The following PPP1R12B variants were observed in gnomAD, a reference collection of about 807,000 sequenced individuals.
The protein encoded by PPP1R12B is myosin phosphatase target subunit 2.
PPP1R12B carries 76 observed loss-of-function variants against 126.1 expected under a neutral mutation model. That is an observed-to-expected ratio of 0.60 (90% CI 0.50 to 0.73). The LOEUF is 0.73. Ranked by LOEUF, PPP1R12B falls within the 30% of genes least tolerant of loss-of-function variation. The probability of loss-of-function intolerance (pLI) is 0.00; values close to 1 mark genes in which losing one functional copy is unlikely to be tolerated. For synonymous variants in PPP1R12B, 356 were observed against 434.7 expected (o/e 0.82, Z 2.25); for missense variants, 1,052 against 1,205.1 (o/e 0.87, Z 1.88).
intron 13 of PPP1R12B, among the ~76,000 whole-genome samples, chr1:202,468,132 TC>T (rs1675305858): frequency 6.6e-6 from 1 of 152,254 alleles, no homozygotes; most frequent in South Asian, 2.1e-4. Context: ...TAGCCCTTTG[TC>T]AGATGAGTAG....
At chr1:202,580,414 G>C in intron 23 of PPP1R12B, 60 bp from the exon 24 acceptor site, 1 of 1,402,766 alleles carries the variant, frequency 7.1e-7, no homozygotes, top group South Asian at 1.2e-5. Flanking sequence ...GGCCTGGTCA[G>C]GGAGGGCCAA....
At position 202,372,801 on chromosome 1, in the gene PPP1R12B, A is replaced by G. The variant is rs1660516753; in HGVS notation, c.291+23659A>G. On this transcript the variant is annotated intron_variant, in intron 1 of 23. Transcript: ENST00000608999. ...ATAAAAAAAAATAAAAAAGTAAAAAATAAAAGAAAAAAGAAAAGCAGTTTT... is the reference window on the plus strand; with the variant it reads ...ATAAAAAAAAATAAAAAAGTAAAAAGTAAAAGAAAAAAGAAAAGCAGTTTT... Among the ~76,000 whole-genome samples the G allele has an allele frequency of 2.0e-5, 3 of 152,278 alleles. No individual in the cohort carries two copies. The South Asian group carries it at 6.2e-4, about 32-fold the overall frequency.
At chr1:202,423,631 T>G (rs1459910862) in intron 3 of PPP1R12B, among the ~76,000 whole-genome samples, 3 of 152,182 alleles carry the variant, frequency 2.0e-5, no homozygotes, top group Non-Finnish European at 2.9e-5. Flanking sequence ...GGTCAGTAAC[T>G]ACTTGCTTTT....
chr1:202,463,722 T>C (rs1339975168), intron 13 of PPP1R12B, among the ~76,000 whole-genome samples: 2 of 152,222 alleles, frequency 1.3e-5, no homozygotes, highest in Non-Finnish European at 2.9e-5. Context: ...AGTTTCCTAG[T>C]TGATCTTGTT....
intron 1 of PPP1R12B, among the ~76,000 whole-genome samples, chr1:202,411,327 T>A (rs1262946200): frequency 6.6e-6 from 1 of 151,424 alleles, no homozygotes; most frequent in Non-Finnish European, 1.5e-5. Flanking sequence ...CATGAGAGTG[T>A]CCTACAACTC....
chr1:202,506,555 C>T (rs1013063847), intron 18 of PPP1R12B, among the ~76,000 whole-genome samples: 4 of 152,174 alleles, frequency 2.6e-5, no homozygotes, highest in Admixed American at 6.5e-5. Context: ...TTGGACTTCT[C>T]TCATGCATCT....
At position 202,583,561 on chromosome 1, in the gene PPP1R12B, C is replaced by T. The variant is rs1053981192; in HGVS notation, c.*3001C>T. ...TTTTATTAACTGATTTCTGGTCTATCTCCAGAGATAAAATACCATTCCTTC... is the reference window on the plus strand; with the variant it reads ...TTTTATTAACTGATTTCTGGTCTATTTCCAGAGATAAAATACCATTCCTTC... On this transcript the variant is annotated 3_prime_UTR_variant, in exon 24 of 24. Coordinates refer to ENST00000608999, the MANE Select transcript of PPP1R12B (RefSeq NM_002481.4). 2.0e-5 allele frequency: 3 copies of T among 152,206 alleles called. No individual in the cohort carries two copies. Among genetic ancestry groups the T allele is most frequent in the African/African-American group, 7.2e-5 (3 of 41,458 alleles). 9.4% of individuals were successfully genotyped at this position (152,206 alleles called of 1,614,324 possible). A position where few individuals can be genotyped will look rare whatever the true frequency, so the allele number is the denominator to read the frequency against.
chr1:202,464,785 G>T (rs1428987354), intron 13 of PPP1R12B, among the ~76,000 whole-genome samples: 1 of 152,140 alleles, frequency 6.6e-6, no homozygotes, highest in Non-Finnish European at 1.5e-5. Context: ...GCTCAATATT[G>T]TGTTAAAAAC....
intron 18 of PPP1R12B, among the ~76,000 whole-genome samples, chr1:202,533,191 T>C (rs532613296): frequency 3.3e-5 from 5 of 152,136 alleles, no homozygotes; most frequent in Non-Finnish European, 7.3e-5. Context: ...ATGAAGTCCA[T>C]GGGAGCAGAA....
At position 202,580,625 on chromosome 1, in the gene PPP1R12B, G is replaced by A; in HGVS notation, c.*65G>A. ...TTGCTGCCCCCACCCCTCTTTTCCA[G>A]TCCTTGCCTTCCAACCAAAAGAAAT... On this transcript the variant is annotated 3_prime_UTR_variant, in exon 24 of 24. Coordinates refer to ENST00000608999, the MANE Select transcript of PPP1R12B (RefSeq NM_002481.4). 1.5e-6 allele frequency: 2 copies of A among 1,349,596 alleles called. No homozygotes were observed. The highest frequency in any genetic ancestry group is 1.8e-4 in the Middle Eastern group (1 of 5,546). 83.6% of individuals were successfully genotyped at this position (1,349,596 alleles called of 1,614,324 possible).
At chr1:202,471,110 T>A (rs751861847) in intron 13 of PPP1R12B, among the ~76,000 whole-genome samples, 2 of 152,188 alleles carry the variant, frequency 1.3e-5, no homozygotes, top group Non-Finnish European at 2.9e-5. Flanking sequence ...ATTTGCTATT[T>A]ATCATTCTCA....
At chr1:202,544,275 A>G (rs1685430430) in intron 18 of PPP1R12B, among the ~76,000 whole-genome samples, 2 of 152,200 alleles carry the variant, frequency 1.3e-5, no homozygotes, top group Admixed American at 1.3e-4. Flanking sequence ...TACATTAGAC[A>G]CTTCTAGCTC....
At chr1:202,437,600 A>G (rs1320107579) in intron 9 of PPP1R12B, among the ~76,000 whole-genome samples, 1 of 152,166 alleles carries the variant, frequency 6.6e-6, no homozygotes, top group Admixed American at 6.5e-5. Flanking sequence ...TGTGTGAAGA[A>G]TCCGAGGCTA....
chr1:202,360,840 T>C (rs1658052455), intron 1 of PPP1R12B, among the ~76,000 whole-genome samples: 1 of 152,100 alleles, frequency 6.6e-6, no homozygotes, highest in Non-Finnish European at 1.5e-5. Context: ...TTTCCGTGAT[T>C]GGCAGTGGAG....
chr1:202,572,035 A>G (rs1235345061), intron 23 of PPP1R12B, among the ~76,000 whole-genome samples: 1 of 152,188 alleles, frequency 6.6e-6, no homozygotes. Context: ...ATATATAAAT[A>G]TGATAAAATT....
rs193036677 is a variant in PPP1R12B at position 202,465,285 on chromosome 1, A to T, written c.1850+16114A>T. ...TCTACACCTCCAAGAAAATGTGTCC[A>T]AGGGGTCAGTCTTCACTGGATATTT... On this transcript the variant is annotated intron_variant, in intron 13 of 23. Coordinates refer to ENST00000608999, the MANE Select transcript of PPP1R12B (RefSeq NM_002481.4). Among the ~76,000 whole-genome samples the T allele has an allele frequency of 2.0e-5, 3 of 152,292 alleles. No individual in the cohort carries two copies. The East Asian group carries it at 5.8e-4, about 29-fold the overall frequency.
chr1:202,482,246 T>C (rs1294561107), intron 13 of PPP1R12B, among the ~76,000 whole-genome samples: 1 of 152,190 alleles, frequency 6.6e-6, no homozygotes, highest in East Asian at 1.9e-4. Context: ...CCTTTGGATG[T>C]GTACACAGTA....
chr1:202,539,447 G>A (rs1684885264), intron 18 of PPP1R12B, among the ~76,000 whole-genome samples: 1 of 152,188 alleles, frequency 6.6e-6, no homozygotes. Context: ...ATGTGTGTAT[G>A]ACTGTGAGTG....
At chr1:202,468,105 T>C (rs1192759825) in intron 13 of PPP1R12B, among the ~76,000 whole-genome samples, 1 of 152,232 alleles carries the variant, frequency 6.6e-6, no homozygotes, top group Non-Finnish European at 1.5e-5. Context: ...TTTGAGTTCG[T>C]TGTAGATTCT....
Sources: allele counts gnomAD v4.1 joint callset (sites outside exome capture counted in the v4.1 genomes callset), GRCh38; gene constraint gnomAD v4.1.1; transcripts MANE v1.5; gene names NCBI Gene and HGNC (gene_info 2026-07-23, HGNC 2026-07-21).